MAP3K5: variants seen among roughly 807,000 people sequenced by gnomAD.
MAP3K5 encodes the protein mitogen-activated protein kinase kinase kinase 5.
Under a neutral mutation model 158.7 loss-of-function variants are expected in MAP3K5, and 56 were observed. That is an observed-to-expected ratio of 0.35 (90% CI 0.28 to 0.44). The LOEUF (loss-of-function observed/expected upper bound fraction) is 0.44, where lower values mean the gene tolerates loss of function less well. Among genes scored for constraint, MAP3K5 ranks in the 20% least tolerant of loss-of-function variants. The pLI, the probability that MAP3K5 is intolerant of heterozygous loss-of-function variation, is 1.00. For missense variants in MAP3K5, 1,294 were observed against 1,674.8 expected, an observed-to-expected ratio of 0.77 and a Z score of 3.97; for synonymous variants, 579 against 601.7, an observed-to-expected ratio of 0.96 and a Z score of 0.55.
intron 1 of MAP3K5, among the ~76,000 whole-genome samples, chr6:136,747,382 G>A (rs556409943): frequency 2.0e-5 from 3 of 152,322 alleles, no homozygotes; most frequent in African/African-American, 4.8e-5. Context: ...CTGTTAGTAC[G>A]GGTGCTGTCT....
intron 1 of MAP3K5, among the ~76,000 whole-genome samples, chr6:136,782,967 T>A (rs1283913297): frequency 1.3e-5 from 2 of 152,242 alleles, no homozygotes; most frequent in Non-Finnish European, 2.9e-5. Flanking sequence ...TTTCGATTAG[T>A]GTCTCTAGTC....
intron 1 of MAP3K5, among the ~76,000 whole-genome samples, chr6:136,756,854 A>G (rs1171980062): frequency 1.3e-5 from 2 of 152,182 alleles, no homozygotes; most frequent in Non-Finnish European, 1.5e-5. Flanking sequence ...GTGCATGTGG[A>G]TAAGGTCTCC....
At chr6:136,778,803 G>C (rs1317776770) in intron 1 of MAP3K5, among the ~76,000 whole-genome samples, 2 of 152,154 alleles carry the variant, frequency 1.3e-5, no homozygotes, top group African/African-American at 4.8e-5. Flanking sequence ...CAGGGTCTCA[G>C]TTTTTGTTTC....
chr6:136,585,468 CTTTT>C (rs1775088564), intron 23 of MAP3K5, among the ~76,000 whole-genome samples: 2 of 107,754 alleles, frequency 1.9e-5, no homozygotes, highest in Non-Finnish European at 3.8e-5. Flanking sequence ...CCTTTCTTTT[CTTTT>C]CTTTATTTAT....
intron 1 of MAP3K5, among the ~76,000 whole-genome samples, chr6:136,761,914 G>A (rs966232001): frequency 6.6e-6 from 1 of 152,190 alleles, no homozygotes; most frequent in African/African-American, 2.4e-5. Context: ...AAGGTCAAAA[G>A]TTTGAGGCAG....
chr6:136,741,837 T>C (rs2114878808), intron 1 of MAP3K5, among the ~76,000 whole-genome samples: 1 of 152,298 alleles, frequency 6.6e-6, no homozygotes, highest in South Asian at 2.1e-4. Context: ...AAATTGCTTT[T>C]CTATATGTCT....
At chr6:136,583,831 T>G in intron 23 of MAP3K5, 91 bp from the exon 24 acceptor site, 1 of 1,252,476 alleles carries the variant, frequency 8.0e-7, no homozygotes, top group Non-Finnish European at 1.1e-6. Context: ...CCCCCACATT[T>G]TTTTTTCTTT....
intron 3 of MAP3K5, among the ~76,000 whole-genome samples, chr6:136,703,708 G>A (rs983693054): frequency 6.6e-6 from 1 of 152,134 alleles, no homozygotes; most frequent in Non-Finnish European, 1.5e-5. Flanking sequence ...GTTTATAATG[G>A]CAACATTATT....
At chr6:136,579,009 TA>T (rs935726160) in intron 25 of MAP3K5, among the ~76,000 whole-genome samples, 135 of 142,304 alleles carry the variant, frequency 9.5e-4, no homozygotes, top group Admixed American at 1.1e-3. Context: ...CATCTCTACT[TA>T]AAAAAAAAAA....
In MAP3K5 at chr6:136,609,928, A is replaced by G. The variant is rs1159104422; in HGVS notation, c.2521+1354T>C. 6.6e-6 allele frequency among the ~76,000 whole-genome samples: 1 copy of G among 151,648 alleles called. No individual in the cohort carries two copies. Among genetic ancestry groups the G allele is most frequent in the East Asian group, 1.9e-4 (1 of 5,194 alleles). On this transcript the variant is annotated intron_variant, in intron 18 of 29. Transcript: ENST00000359015. This position sits in a 1 kb window ranked among gnomAD's most constrained non-coding sequence, Gnocchi z 4.4. ...GGGCAACATAGCAAGACCCAGTCTC[A>G]AAACAAAAACAAAAACAAAAAACCA... is the stretch of plus-strand genomic sequence containing the variant.
rs1038295448 is a variant in MAP3K5 at position 136,768,118 on chromosome 6, G to C, written c.448+23592C>G. On this transcript the variant is annotated intron_variant, in intron 1 of 29. Transcript: ENST00000359015. ...TATCTAACTCTTAGAAGAAAACATAGGTGTAAATCTCTGTGACATTGAATT... is the reference window on the plus strand; with the variant it reads ...TATCTAACTCTTAGAAGAAAACATACGTGTAAATCTCTGTGACATTGAATT... 2.4e-4 allele frequency among the ~76,000 whole-genome samples: 36 copies of C among 152,128 alleles called. 1 individual carries two copies. The highest frequency in any genetic ancestry group is 8.7e-4 in the African/African-American group (36 of 41,418).
In MAP3K5 at chr6:136,738,106, G is replaced by A. The variant is rs138085838; in HGVS notation, c.449-17517C>T. On this transcript the variant is annotated intron_variant, in intron 1 of 29. Transcript: ENST00000359015. Reference sequence around the variant, plus strand: ...GCTCTGCCCAGCTGGTCTTTCCACAGGAAGTTTACAGGGAGAAAAATAAAT... The same window carrying A: ...GCTCTGCCCAGCTGGTCTTTCCACAAGAAGTTTACAGGGAGAAAAATAAAT... Among the ~76,000 whole-genome samples the A allele has an allele frequency of 2.5e-3, 379 of 152,294 alleles. 1 individual carries two copies. The highest frequency in any genetic ancestry group is 8.8e-3 in the African/African-American group (365 of 41,554).
rs1774817710 is a variant in MAP3K5 at position 136,580,424 on chromosome 6, T to A, written c.3412-18A>T. 1 of 1,495,694 alleles carries A rather than the reference T, an allele frequency of 6.7e-7. No individual in the cohort carries two copies. Among genetic ancestry groups the A allele is most frequent in the Admixed American group, 1.7e-5 (1 of 59,628 alleles). 92.7% of individuals were successfully genotyped at this position (1,495,694 alleles called of 1,614,324 possible). On this transcript the variant is annotated intron_variant, in intron 24 of 29. Coordinates refer to ENST00000359015, the MANE Select transcript of MAP3K5 (RefSeq NM_005923.4). ...TTATTGACCTGGAGAGAGAGTGACATTTAGCCTACTTTAATTTTTAATTGC... is the reference window on the plus strand; with the variant it reads ...TTATTGACCTGGAGAGAGAGTGACAATTAGCCTACTTTAATTTTTAATTGC...
At chr6:136,563,752 T>A (rs1198239734) in intron 26 of MAP3K5, among the ~76,000 whole-genome samples, 1 of 152,242 alleles carries the variant, frequency 6.6e-6, no homozygotes, top group Non-Finnish European at 1.5e-5. Context: ...GGTGCTCTAA[T>A]TTTTTAGAAA....
intron 24 of MAP3K5, among the ~76,000 whole-genome samples, chr6:136,582,784 C>A (rs9402826): frequency 0.035 from 5,371 of 152,280 alleles, 268 homozygotes; most frequent in East Asian, 0.21. Flanking sequence ...ACCACAAGCA[C>A]CATCAAGAAC....
intron 23 of MAP3K5, among the ~76,000 whole-genome samples, chr6:136,589,854 G>A (rs1775307783): frequency 6.6e-6 from 1 of 152,168 alleles, no homozygotes; most frequent in Non-Finnish European, 1.5e-5. Flanking sequence ...AGAACTGTGA[G>A]AAAATACATT....
At chr6:136,598,157 C>T (rs1314349510) in intron 21 of MAP3K5, among the ~76,000 whole-genome samples, 2 of 152,224 alleles carry the variant, frequency 1.3e-5, no homozygotes, top group Non-Finnish European at 2.9e-5. Flanking sequence ...ACTTTAAGCA[C>T]CAGTGCTGCT....
At chr6:136,751,796 A>G (rs1783220435) in intron 1 of MAP3K5, among the ~76,000 whole-genome samples, 1 of 152,226 alleles carries the variant, frequency 6.6e-6, no homozygotes, top group African/African-American at 2.4e-5. Context: ...GAAGCCACCA[A>G]ACATGTAAAA....
At chr6:136,768,021 T>C (rs1354161988) in intron 1 of MAP3K5, among the ~76,000 whole-genome samples, 4 of 152,176 alleles carry the variant, frequency 2.6e-5, no homozygotes, top group Non-Finnish European at 1.5e-5. Context: ...AGAATGAAGC[T>C]GGCCCCCTAA....
Sources: gnomAD v4.1 joint callset for allele counts (sites outside exome capture counted in the v4.1 genomes callset) on GRCh38, gnomAD v4.1.1 for gene constraint, Gnocchi (gnomAD v3.1) non-coding constraint, MANE v1.5 for transcripts, NCBI Gene and HGNC (gene_info 2026-07-23, HGNC 2026-07-21) for gene names.